TMX4: variants seen among roughly 807,000 people sequenced by gnomAD.
TMX4 encodes the protein thioredoxin related transmembrane protein 4.
TMX4 carries 23 observed loss-of-function variants against 33.3 expected under a neutral mutation model. That is an observed-to-expected ratio of 0.69 (90% CI 0.50 to 0.98). The LOEUF is 0.98. Among genes scored for constraint, TMX4 ranks in the 50% least tolerant of loss-of-function variants. TMX4 has a pLI of 0.00. For missense variants in TMX4, 399 were observed against 448.9 expected, an observed-to-expected ratio of 0.89 and a Z score of 1.01; for synonymous variants, 164 against 161.5, an observed-to-expected ratio of 1.02 and a Z score of -0.12.
intron 2 of TMX4, 106 bp downstream of exon 2, chr20:8,010,094 C>G: frequency 1.2e-6 from 1 of 851,226 alleles, no homozygotes. Flanking sequence ...GTGGCCAGTT[C>G]ATGGGTAATC....
intron 5 of TMX4, among the ~76,000 whole-genome samples, chr20:7,991,521 G>A (rs1196828869): frequency 1.3e-5 from 2 of 152,120 alleles, no homozygotes; most frequent in African/African-American, 4.8e-5. Flanking sequence ...TCCTTTAAGT[G>A]TCACGTTGGT....
chr20:8,005,060 A>G (rs2050723067), intron 2 of TMX4, among the ~76,000 whole-genome samples: 1 of 152,210 alleles, frequency 6.6e-6, no homozygotes, highest in African/African-American at 2.4e-5. Flanking sequence ...TAAAATTTAC[A>G]TTTATAAAAT....
rs2050584992 is a variant in TMX4 at position 7,977,473 on chromosome 20, T to C, written c.*4778A>G. 2 of 152,236 alleles carry C rather than the reference T, an allele frequency of 1.3e-5. 1 individual carries two copies. The highest frequency in any genetic ancestry group is 4.1e-4 in the South Asian group (2 of 4,834). 9.4% of individuals were successfully genotyped at this position (152,236 alleles called of 1,614,324 possible). On this transcript the variant is annotated 3_prime_UTR_variant, in exon 8 of 8. Transcript: ENST00000246024. ...ATTTGTTTTTACTTACCAATCACTA[T>C]CATTAGGTTTTGATGCAAATGGGAA...
At chr20:7,997,412 TC>T (rs1180343672) in intron 4 of TMX4, among the ~76,000 whole-genome samples, 1 of 152,030 alleles carries the variant, frequency 6.6e-6, no homozygotes, top group Admixed American at 6.5e-5. Flanking sequence ...AACCACCCCC[TC>T]TTTTTTTCCT....
Position 8,019,661 on chromosome 20 carries a change from G to A in TMX4, c.-48C>T. ...TCGGCGGGGAGTGTGGGGAAGGGCA[G>A]CGGCCGGCCCGCAGCCTCGCTCGCC... On this transcript the variant is annotated 5_prime_UTR_variant, in exon 1 of 8. Coordinates refer to ENST00000246024, the MANE Select transcript of TMX4 (RefSeq NM_021156.4). 1.6e-6 allele frequency: 2 copies of A among 1,287,098 alleles called. No individual in the cohort carries two copies. Among genetic ancestry groups the A allele is most frequent in the Non-Finnish European group, 2.0e-6 (2 of 1,016,336 alleles). The allele number at this position is 1,287,098 out of a possible 1,614,324, so 79.7% of individuals were successfully genotyped here.
intron 1 of TMX4, among the ~76,000 whole-genome samples, chr20:8,017,541 A>T (rs1343268783): frequency 6.6e-6 from 1 of 152,210 alleles, no homozygotes; most frequent in Non-Finnish European, 1.5e-5. Context: ...TAGTGTTCTT[A>T]ATTCTATTAC....
In TMX4 at chr20:8,010,308, G is replaced by A. The variant is rs1387303224; in HGVS notation, c.184C>T (p.Pro62Ser). 6.2e-7 allele frequency: 1 copy of A among 1,606,030 alleles called. No individual in the cohort carries two copies. Among genetic ancestry groups the A allele is most frequent in the African/African-American group, 1.3e-5 (1 of 74,552 alleles). Residue 62 changes from proline (P) to serine (S), a missense_variant, in exon 2 of 8, where the codon CCA (proline) becomes TCA (serine). Transcript: ENST00000246024. The stretch of plus-strand genomic sequence containing the variant: ...GTCTGCTGGCAGGATGGACACCATG[G>A]GGCGTAACTATAAGAGAAGAATAAG... ...EGEWMLKFYA[P>S]WCPSCQQTDS...
chr20:8,000,184 A>G (rs919615114), intron 3 of TMX4, among the ~76,000 whole-genome samples: 1 of 152,186 alleles, frequency 6.6e-6, no homozygotes, highest in Non-Finnish European at 1.5e-5. Context: ...ATAGCAAAAC[A>G]GCCATTGTTA....
At chr20:8,017,214 G>A (rs936970046) in intron 1 of TMX4, among the ~76,000 whole-genome samples, 10 of 152,162 alleles carry the variant, frequency 6.6e-5, no homozygotes, top group African/African-American at 1.9e-4. Context: ...GTTTTAGTGC[G>A]TATAAAGAAG....
intron 2 of TMX4, among the ~76,000 whole-genome samples, chr20:8,008,588 A>C (rs1185707591): frequency 6.6e-6 from 1 of 152,122 alleles, no homozygotes; most frequent in Non-Finnish European, 1.5e-5. Flanking sequence ...TAATTCTTTT[A>C]ATTCAAATTA....
chr20:7,993,197 G>A (rs573545552), intron 5 of TMX4, among the ~76,000 whole-genome samples: 9 of 152,286 alleles, frequency 5.9e-5, no homozygotes, highest in African/African-American at 9.6e-5. Context: ...GCCATTCTAC[G>A]TCTTTCCTTC....
intron 1 of TMX4, among the ~76,000 whole-genome samples, chr20:8,010,931 A>T (rs576807962): frequency 2.0e-5 from 3 of 152,286 alleles, no homozygotes; most frequent in African/African-American, 7.2e-5. Flanking sequence ...TTTTTCATTC[A>T]ATAAATACTA....
At chr20:7,997,553 CCTTTCCTCTTTCTTCTATGT>C (rs769160309) in intron 4 of TMX4, among the ~76,000 whole-genome samples, 46 of 151,868 alleles carry the variant, frequency 3.0e-4, no homozygotes, top group Non-Finnish European at 6.0e-4. Flanking sequence ...CACCCTTTCC[CCTTTCCTCTTTCTTCTATGT>C]GCCCACCTTA....
intron 2 of TMX4, among the ~76,000 whole-genome samples, chr20:8,003,934 G>A (rs1210577324): frequency 1.3e-5 from 2 of 152,028 alleles, no homozygotes; most frequent in Non-Finnish European, 2.9e-5. Context: ...AGCCTATGTG[G>A]AATATTAACA....
chr20:7,997,508 A>T lies in TMX4; in HGVS notation c.468-1437T>A, dbSNP rs528451944. 4.4e-3 allele frequency among the ~76,000 whole-genome samples: 610 copies of T among 139,516 alleles called. 4 individuals are homozygous for T. The highest frequency in any genetic ancestry group is 0.015 in the African/African-American group (538 of 35,860). The allele number at this position is 139,516 out of a possible 152,430, so 91.5% of individuals were successfully genotyped here. ...CCAACTCACATTCCTTTCCTTATTT[A>T]AAAAAAAAAAAACAACTTTCTGACT... On this transcript the variant is annotated intron_variant, in intron 4 of 7. Transcript: ENST00000246024.
intron 4 of TMX4, among the ~76,000 whole-genome samples, chr20:7,997,092 T>C (rs1421134373): frequency 6.6e-6 from 1 of 152,146 alleles, no homozygotes; most frequent in Non-Finnish European, 1.5e-5. Context: ...TGGCAGACCT[T>C]GGTTTTCATG....
Position 8,019,427 on chromosome 20 carries a change from G to A in TMX4, c.176+11C>T, listed in dbSNP as rs2050801381. ...GACACTGCGGCGTCCGGGGCGGGCGGGCACACTCACAATTTCAGCATCCAC... is the reference window on the plus strand; with the variant it reads ...GACACTGCGGCGTCCGGGGCGGGCGAGCACACTCACAATTTCAGCATCCAC... On this transcript the variant is annotated intron_variant, in intron 1 of 7. Coordinates refer to ENST00000246024, the MANE Select transcript of TMX4 (RefSeq NM_021156.4). 4.0e-6 allele frequency: 6 copies of A among 1,514,430 alleles called. No individual in the cohort carries two copies. The highest frequency in any genetic ancestry group is 2.1e-5 in the Admixed American group (1 of 47,228). The allele number at this position is 1,514,430 out of a possible 1,614,324, so 93.8% of individuals were successfully genotyped here. A position where few individuals can be genotyped will look rare whatever the true frequency, so the allele number is the denominator to read the frequency against.
chr20:8,009,739 C>G (rs1337895870), intron 2 of TMX4, among the ~76,000 whole-genome samples: 1 of 151,276 alleles, frequency 6.6e-6, no homozygotes, highest in Non-Finnish European at 1.5e-5. Flanking sequence ...GTAGCTTTTT[C>G]TTTTCAGAAT....
intron 2 of TMX4, among the ~76,000 whole-genome samples, chr20:8,007,089 T>A (rs1022780916): frequency 2.0e-5 from 3 of 152,198 alleles, no homozygotes; most frequent in Non-Finnish European, 4.4e-5. Context: ...TTTCTAAATG[T>A]TGCAGTGGCC....
Sources: allele counts gnomAD v4.1 joint callset (sites outside exome capture counted in the v4.1 genomes callset), GRCh38; gene constraint gnomAD v4.1.1; transcripts MANE v1.5; gene names NCBI Gene and HGNC (gene_info 2026-07-23, HGNC 2026-07-21).